NPAT: variants seen among roughly 807,000 people sequenced by gnomAD.
NPAT encodes nuclear protein, coactivator of histone transcription, also known as protein NPAT.
NPAT carries 52 observed loss-of-function variants against 130.7 expected under a neutral mutation model. The observed-to-expected ratio is 0.40, with a 90% CI of 0.32 to 0.50. The LOEUF is 0.50. NPAT is among the 20% of genes least tolerant of loss of function. NPAT has a pLI of 0.68. For missense variants in NPAT, 1,687 were observed against 1,662.6 expected, an observed-to-expected ratio of 1.01 and a Z score of -0.26; for synonymous variants, 580 against 584.8, an observed-to-expected ratio of 0.99 and a Z score of 0.12.
chr11:108,212,077 A>G (rs1375277132), intron 1 of NPAT, among the ~76,000 whole-genome samples: 1 of 151,822 alleles, frequency 6.6e-6, no homozygotes, highest in East Asian at 1.9e-4. Context: ...TATCTATTAA[A>G]AAAAAAAAAA....
At chr11:108,209,685 C>T (rs7932972) in intron 1 of NPAT, among the ~76,000 whole-genome samples, 75,280 of 151,322 alleles carry the variant, frequency 0.5, 20,048 homozygotes, top group Middle Eastern at 0.71. Context: ...GTCAGGAGAT[C>T]GAGACCATCC....
intron 2 of NPAT, among the ~76,000 whole-genome samples, chr11:108,194,850 G>T (rs1437531941): frequency 6.7e-6 from 1 of 149,040 alleles, no homozygotes; most frequent in Non-Finnish European, 1.5e-5. Context: ...TTGAGATGGA[G>T]TCTTGCTCTG....
At chr11:108,181,596 A>G (rs1171610382) in intron 10 of NPAT, among the ~76,000 whole-genome samples, 6 of 152,224 alleles carry the variant, frequency 3.9e-5, no homozygotes, top group Non-Finnish European at 5.9e-5. Context: ...ACAATTAAAA[A>G]TTAAAAAATA....
intron 15 of NPAT, among the ~76,000 whole-genome samples, chr11:108,167,567 G>A (rs538942561): frequency 6.6e-6 from 1 of 152,246 alleles, no homozygotes; most frequent in Non-Finnish European, 1.5e-5. Flanking sequence ...ATGGGACCTT[G>A]TTTATGGTGG....
chr11:108,171,752 A>G lies in NPAT; in HGVS notation c.2785+447T>C, dbSNP rs776175965. 2.2e-4 allele frequency: 35 copies of G among 162,162 alleles called. 1 individual carries two copies. The highest frequency in any genetic ancestry group is 4.9e-4 in the South Asian group (3 of 6,116). The allele number at this position is 162,162 out of a possible 1,614,324, so 10.0% of individuals were successfully genotyped here. On this transcript the variant is annotated intron_variant, in intron 13 of 17. Coordinates refer to ENST00000278612, the MANE Select transcript of NPAT (RefSeq NM_002519.3). The stretch of plus-strand genomic sequence containing the variant: ...TCGATCGGCCCACCTCGGCCTCCCA[A>G]AGTGCTGGGATTACAGGCGTGAGCC...
rs2077869701 is a variant in NPAT, at chr11:108,163,213, G to A, written c.3011-1033C>T. Among the ~76,000 whole-genome samples, 3 of 152,192 alleles carry A rather than the reference G, an allele frequency of 2.0e-5. No homozygotes were observed. The South Asian group carries it at 6.2e-4, about 32-fold the overall frequency. On this transcript the variant is annotated intron_variant, in intron 15 of 17. Transcript: ENST00000278612. ...TAGTGCCTCAGCCTCCCGAGTAGCTGGGATTACAGGTGCACGCTGCCACGC... is the reference window on the plus strand; with the variant it reads ...TAGTGCCTCAGCCTCCCGAGTAGCTAGGATTACAGGTGCACGCTGCCACGC...
In NPAT at chr11:108,172,642, G is replaced by C. The variant is rs774233228; in HGVS notation, c.2342C>G (p.Thr781Ser). ...IILSSPTKSP[T>S]KNAELVKCLS... ...GCATTTAACTAGTTCTGCATTTTTA[G>C]TAGGTGATTTAGTAGGAGAAGACAA... is the stretch of plus-strand genomic sequence containing the variant. The change falls in exon 13 of 18, where the codon ACT becomes AGT. Residue 781 changes from threonine to serine, a missense_variant. By Grantham distance (58) the Thr-to-Ser change is moderately conservative. Around this residue, in one of 3 missense-constraint regions of NPAT, gnomAD observed 1,379 missense variants for 1,346.6 expected, o/e 1.02. Transcript: ENST00000278612. The C allele has an allele frequency of 6.2e-7, 1 of 1,614,014 alleles. No homozygotes were observed. The highest frequency in any genetic ancestry group is 8.5e-7 in the Non-Finnish European group (1 of 1,180,000).
rs778322625 is a variant in NPAT at position 108,161,239 on chromosome 11, GTTC to G, written c.3844_3846del (p.Glu1282del). On this transcript the variant is annotated inframe_deletion, in exon 17 of 18. Coordinates refer to ENST00000278612, the MANE Select transcript of NPAT (RefSeq NM_002519.3). Reference sequence around the variant, plus strand: ...GAGGGGGCCTTGATAATATCTATAGGTTCTTCTTTATGTTTTTCCCCTGCCCCT... The same window carrying G: ...GAGGGGGCCTTGATAATATCTATAGGTTCTTTATGTTTTTCCCCTGCCCCT... 40 of 1,613,946 alleles carry G rather than the reference GTTC, an allele frequency of 2.5e-5. No homozygotes were observed. The highest frequency in any genetic ancestry group is 3.1e-5 in the Non-Finnish European group (36 of 1,180,018).
At chr11:108,202,208 T>C (rs139146492) in intron 1 of NPAT, among the ~76,000 whole-genome samples, 98 of 152,128 alleles carry the variant, frequency 6.4e-4, no homozygotes, top group African/African-American at 2.3e-3. Flanking sequence ...AGGTCTCTCA[T>C]ACCACCAGGA....
chr11:108,161,912 T>C lies in NPAT; in HGVS notation c.3174A>G (p.Pro1058=), dbSNP rs2077855370. ...CGAAACAGAGTACACGTCTGTGGCA[T>C]GGTTTAGCAGCTGGAACTATACTCT... is the stretch of plus-strand genomic sequence containing the variant. ...PEESIVPAAK[P]CHRRVLCFDS... is the part of the protein sequence containing the mutation. Residue 1058 remains proline, a synonymous_variant, in exon 17 of 18, where the codon CCA becomes CCG. Transcript: ENST00000278612. The C allele has an allele frequency of 6.2e-7, 1 of 1,611,734 alleles. No individual in the cohort carries two copies. Among genetic ancestry groups the C allele is most frequent in the African/African-American group, 1.3e-5 (1 of 74,790 alleles).
intron 13 of NPAT, 34 bp downstream of exon 13, chr11:108,172,165 G>T: frequency 6.3e-7 from 1 of 1,584,680 alleles, no homozygotes; most frequent in South Asian, 1.1e-5. Context: ...TCCCAACCCA[G>T]AGAAACAAAT....
chr11:108,173,611 T>C lies in NPAT; in HGVS notation c.1373A>G (p.Asn458Ser). The C allele has an allele frequency of 6.2e-7, 1 of 1,614,194 alleles. No individual in the cohort carries two copies. Among genetic ancestry groups the C allele is most frequent in the Middle Eastern group, 1.6e-4 (1 of 6,062 alleles). Residue 458 changes from asparagine (N) to serine (S), a missense_variant, in exon 13 of 18, where the codon AAT (asparagine) becomes AGT (serine). Coordinates refer to ENST00000278612, the MANE Select transcript of NPAT (RefSeq NM_002519.3). ...ATGTGGATTACATTCAGCATTAGAA[T>C]TCCCTCTTTGGTTAAAGTCATTCAA... ...PNLNDFNQRG[N>S]SNAECNPHCA...
At chr11:108,166,392 A>T (rs946654254) in intron 15 of NPAT, among the ~76,000 whole-genome samples, 14 of 151,382 alleles carry the variant, frequency 9.2e-5, no homozygotes, top group African/African-American at 3.4e-4. Flanking sequence ...ACTCCCATCT[A>T]AAAAAAAATA....
At chr11:108,200,140 C>G (rs1236450582) in intron 1 of NPAT, among the ~76,000 whole-genome samples, 1 of 152,216 alleles carries the variant, frequency 6.6e-6, no homozygotes, top group African/African-American at 2.4e-5. Flanking sequence ...ACTTCCCCTA[C>G]CTGCGTTTAA....
At chr11:108,178,699 A>G (rs1488542027) in intron 10 of NPAT, among the ~76,000 whole-genome samples, 2 of 152,012 alleles carry the variant, frequency 1.3e-5, no homozygotes, top group African/African-American at 4.8e-5. Flanking sequence ...CTCTACTAAA[A>G]ATACAAAAAT....
In NPAT at chr11:108,169,996, T is replaced by C. The variant is rs1338228672; in HGVS notation, c.2833A>G (p.Met945Val). The C allele has an allele frequency of 1.2e-6, 2 of 1,613,784 alleles. No homozygotes were observed. The highest frequency in any genetic ancestry group is 1.1e-5 in the South Asian group (1 of 91,082). Reference sequence around the variant, plus strand: ...ACAGATACTGGGATCATCCCTACCATTCCTTGGAGTACAGGCTGGACTGGA... The same window carrying C: ...ACAGATACTGGGATCATCCCTACCACTCCTTGGAGTACAGGCTGGACTGGA... Reference protein sequence around the residue: ...ASPVQPVLQGMVGMIPVSVVG... With the variant: ...ASPVQPVLQGVVGMIPVSVVG... Residue 945 changes from methionine to valine, a missense_variant, in exon 14 of 18, where the codon ATG becomes GTG. By Grantham distance (21) the Met-to-Val change is conservative (BLOSUM62 1). Transcript: ENST00000278612.
intron 7 of NPAT, among the ~76,000 whole-genome samples, 166 bp downstream of exon 7, chr11:108,187,932 G>A (rs2078123738): frequency 6.6e-6 from 1 of 152,062 alleles, no homozygotes; most frequent in African/African-American, 2.4e-5. Context: ...CCAATTTCAG[G>A]CAGGTTAAAA....
Position 108,161,146 on chromosome 11 carries a change from G to T in NPAT, c.3940C>A (p.Pro1314Thr), listed in dbSNP as rs1591382213. 6.2e-7 allele frequency: 1 copy of T among 1,614,130 alleles called. No homozygotes were observed. ...GTTTCACTGGCAGGGCTGCAGGCAG[G>T]CAAGTCTGGGGTGACAGGAGGGACC... ...VMVPPVTPDL[P>T]ACSPASETGS... Residue 1314 changes from proline (P) to threonine (T), a missense_variant, in exon 17 of 18, where the codon CCT becomes ACT. Pro to Thr is a conservative substitution (Grantham distance 38). Around this residue, in one of 3 missense-constraint regions of NPAT, gnomAD observed 1,379 missense variants for 1,346.6 expected, o/e 1.02. Coordinates refer to ENST00000278612, the MANE Select transcript of NPAT (RefSeq NM_002519.3).
In NPAT at chr11:108,169,893, G is replaced by A. The variant is rs1454865814; in HGVS notation, c.2901+35C>T. The A allele has an allele frequency of 1.9e-6, 3 of 1,606,780 alleles. No homozygotes were observed. In the African/African-American group the frequency reaches 4.0e-5, roughly 21 times the overall value. On this transcript the variant is annotated intron_variant, in intron 14 of 17. Transcript: ENST00000278612. ...CCATTAATTACACTAAGCTTGAAAAGCATCACCACACCATTTTCAGTTCAT... is the reference window on the plus strand; with the variant it reads ...CCATTAATTACACTAAGCTTGAAAAACATCACCACACCATTTTCAGTTCAT...
Sources: allele counts gnomAD v4.1 joint callset (sites outside exome capture counted in the v4.1 genomes callset), GRCh38; gene constraint gnomAD v4.1.1; regional missense constraint gnomAD v4.1.1; transcripts MANE v1.5; gene names NCBI Gene and HGNC (gene_info 2026-07-23, HGNC 2026-07-21).